ASCC3: variants seen among roughly 807,000 people sequenced by gnomAD.
The protein encoded by ASCC3 is activating signal cointegrator 1 complex subunit 3, also known as ASC-1 complex subunit P200.
Under a neutral mutation model 256.3 loss-of-function variants are expected in ASCC3, and 158 were observed. The ratio of observed to expected loss-of-function variants is 0.62; its 90% confidence interval spans 0.54 to 0.70. The LOEUF (loss-of-function observed/expected upper bound fraction) is 0.70, where lower values mean the gene tolerates loss of function less well. Among genes scored for constraint, ASCC3 ranks in the 30% least tolerant of loss-of-function variants. ASCC3 has a pLI of 0.00. For synonymous variants in ASCC3, 948 were observed against 883.4 expected (o/e 1.07, Z -1.30); for missense variants, 2,259 against 2,626.0 (o/e 0.86, Z 3.05).
chr6:100,520,432 T>G (rs1774245125), intron 37 of ASCC3, among the ~76,000 whole-genome samples: 1 of 150,760 alleles, frequency 6.6e-6, no homozygotes, highest in Non-Finnish European at 1.5e-5. Context: ...CTCCTTCTTC[T>G]TCTTTTTTTT....
Position 100,687,878 on chromosome 6 carries a change from G to A in ASCC3, c.2152-8126C>T, listed in dbSNP as rs984650005. Among the ~76,000 whole-genome samples the A allele has an allele frequency of 2.5e-4, 38 of 151,876 alleles. 1 individual carries two copies. The highest frequency in any genetic ancestry group is 2.1e-4 in the South Asian group (1 of 4,816). On this transcript the variant is annotated intron_variant, in intron 13 of 41. Coordinates refer to ENST00000369162, the MANE Select transcript of ASCC3 (RefSeq NM_006828.4). Reference sequence around the variant, plus strand: ...AGAGAAGAGAGCAAATTCATATGGCGGTCAATACAGACTTTTTGTAGAAAT... The same window carrying A: ...AGAGAAGAGAGCAAATTCATATGGCAGTCAATACAGACTTTTTGTAGAAAT...
chr6:100,637,058 C>G (rs1774878987), intron 25 of ASCC3, among the ~76,000 whole-genome samples: 1 of 152,058 alleles, frequency 6.6e-6, no homozygotes, highest in East Asian at 1.9e-4. Context: ...TACAAAATAG[C>G]CTAATATTGG....
chr6:100,596,157 T>A (rs1012781560), intron 34 of ASCC3, among the ~76,000 whole-genome samples: 5 of 152,156 alleles, frequency 3.3e-5, no homozygotes, highest in African/African-American at 1.2e-4. Context: ...TTGCCATCCC[T>A]TTTATTGCTT....
rs7738624 is a variant in ASCC3, at chr6:100,584,448, C to A, written c.5550+5186G>T. ...TGTTTTCCATTTGCTTGGTAGACTTCCTCCATCCTTTTATTTTGAGCCTAT... is the reference window on the plus strand; with the variant it reads ...TGTTTTCCATTTGCTTGGTAGACTTACTCCATCCTTTTATTTTGAGCCTAT... On this transcript the variant is annotated intron_variant, in intron 36 of 41. Coordinates refer to ENST00000369162, the MANE Select transcript of ASCC3 (RefSeq NM_006828.4). Among the ~76,000 whole-genome samples the A allele has an allele frequency of 4.9e-3, 739 of 152,152 alleles. 5 individuals carry two copies. The highest frequency in any genetic ancestry group is 0.017 in the African/African-American group (706 of 41,520).
chr6:100,629,222 TAACAAA>T, intron 26 of ASCC3, 41 bp from the exon 27 acceptor site: 1 of 1,588,794 alleles, frequency 6.3e-7, no homozygotes, highest in Non-Finnish European at 8.6e-7. Flanking sequence ...ACTTTTCAGG[TAACAAA>T]TGACCTTGGA....
chr6:100,818,045 A>G (rs1357658692), intron 4 of ASCC3, among the ~76,000 whole-genome samples: 3 of 152,208 alleles, frequency 2.0e-5, no homozygotes, highest in African/African-American at 7.2e-5. Flanking sequence ...AAAACGAATT[A>G]TAAATCATGA....
intron 37 of ASCC3, among the ~76,000 whole-genome samples, chr6:100,537,236 C>A (rs1193818777): frequency 6.6e-6 from 1 of 152,086 alleles, no homozygotes. Flanking sequence ...TGATATGATA[C>A]ACTAAGAGGA....
intron 5 of ASCC3, among the ~76,000 whole-genome samples, chr6:100,801,802 C>T (rs747731903): frequency 2.6e-5 from 4 of 151,064 alleles, no homozygotes; most frequent in Non-Finnish European, 5.9e-5. Flanking sequence ...AACATTCTGC[C>T]AGTTTTCACA....
At chr6:100,711,248 C>T (rs894909164) in intron 13 of ASCC3, among the ~76,000 whole-genome samples, 2 of 152,094 alleles carry the variant, frequency 1.3e-5, no homozygotes, top group African/African-American at 4.8e-5. Context: ...TTAGTGGCCT[C>T]TTAAGATTTT....
intron 39 of ASCC3, 51 bp from the exon 40 acceptor site, chr6:100,512,969 A>G: frequency 6.7e-7 from 1 of 1,501,554 alleles, no homozygotes; most frequent in East Asian, 2.3e-5. Flanking sequence ...TGTGAAATGC[A>G]ATGATCAATT....
In ASCC3 at chr6:100,532,838, A is replaced by G. The variant is rs185350398; in HGVS notation, c.5775+7325T>C. On this transcript the variant is annotated intron_variant, in intron 37 of 41. Coordinates refer to ENST00000369162, the MANE Select transcript of ASCC3 (RefSeq NM_006828.4). The stretch of plus-strand genomic sequence containing the variant: ...GTTTTACCAAAAGAAAAATCTGAAA[A>G]TTTATATTCAGGCTACTGGAATTGG... Among the ~76,000 whole-genome samples, 15 of 152,252 alleles carry G rather than the reference A, an allele frequency of 9.9e-5. No individual in the cohort carries two copies. In the East Asian group the frequency reaches 2.3e-3, roughly 23 times the overall value.
intron 8 of ASCC3, among the ~76,000 whole-genome samples, chr6:100,772,600 G>T (rs541421944): frequency 6.6e-6 from 1 of 152,276 alleles, no homozygotes; most frequent in East Asian, 1.9e-4. Flanking sequence ...GATCACAGTA[G>T]TATCTCTTAG....
rs559548648 is a variant in ASCC3 at position 100,556,207 on chromosome 6, TA to T, written c.5551-15821del. 3.8e-3 allele frequency among the ~76,000 whole-genome samples: 582 copies of T among 152,290 alleles called. 5 individuals carry two copies. The highest frequency in any genetic ancestry group is 0.013 in the African/African-American group (560 of 41,566). On this transcript the variant is annotated intron_variant, in intron 36 of 41. Coordinates refer to ENST00000369162, the MANE Select transcript of ASCC3 (RefSeq NM_006828.4). The stretch of plus-strand genomic sequence containing the variant: ...AGCATTAAAACCTTTCTAATGTGTT[TA>T]ATATTTGCTTAATATTCTTGTTCTA...
At chr6:100,620,701 C>A (rs1319616850) in intron 30 of ASCC3, among the ~76,000 whole-genome samples, 1 of 152,120 alleles carries the variant, frequency 6.6e-6, no homozygotes, top group Non-Finnish European at 1.5e-5. Context: ...CCTCTGAATG[C>A]TCAAGTTGTC....
At chr6:100,599,635 T>G (rs1371437851) in intron 34 of ASCC3, among the ~76,000 whole-genome samples, 1 of 151,980 alleles carries the variant, frequency 6.6e-6, no homozygotes, top group Non-Finnish European at 1.5e-5. Context: ...ACTATTTTTT[T>G]TTTTTGCAAT....
At chr6:100,516,081 G>T in intron 39 of ASCC3, 99 bp downstream of exon 39, 3 of 1,425,812 alleles carry the variant, frequency 2.1e-6, no homozygotes, top group Non-Finnish European at 2.0e-6. Flanking sequence ...TTTAACTCAA[G>T]GTGAGCCTGG....
At chr6:100,759,718 T>C (rs926664352) in intron 10 of ASCC3, among the ~76,000 whole-genome samples, 6 of 152,192 alleles carry the variant, frequency 3.9e-5, no homozygotes. Context: ...CTGATAGGAA[T>C]AGCATTGAAT....
intron 14 of ASCC3, among the ~76,000 whole-genome samples, chr6:100,668,198 C>CT (rs1008930601): frequency 2.0e-5 from 3 of 151,916 alleles, no homozygotes; most frequent in African/African-American, 7.2e-5. Flanking sequence ...ACTACCTGGT[C>CT]TTTAAGTAAA....
chr6:100,712,098 T>C (rs1778878978), intron 13 of ASCC3, among the ~76,000 whole-genome samples: 1 of 152,204 alleles, frequency 6.6e-6, no homozygotes, highest in South Asian at 2.1e-4. Flanking sequence ...GCAGACCTCA[T>C]ATCTTTTACA....
Sources: allele counts gnomAD v4.1 joint callset (sites outside exome capture counted in the v4.1 genomes callset), GRCh38; gene constraint gnomAD v4.1.1; transcripts MANE v1.5; gene names NCBI Gene and HGNC (gene_info 2026-07-23, HGNC 2026-07-21).